The following SDC2 variants were observed in gnomAD, a reference collection of about 807,000 sequenced individuals.
The protein encoded by SDC2 is syndecan 2, also known as syndecan-2.
In SDC2, 13 loss-of-function variants were observed where a neutral mutation model predicts 22.2. The ratio of observed to expected loss-of-function variants is 0.59; its 90% CI spans 0.38 to 0.93. The LOEUF (loss-of-function observed/expected upper bound fraction) is 0.93. Ranked by LOEUF, SDC2 falls within the 40% of genes least tolerant of loss-of-function variation. SDC2 has a pLI of 0.00. For missense variants in SDC2, 235 were observed against 246.8 expected (o/e 0.95, Z 0.32); for synonymous variants, 94 against 92.8 (o/e 1.01, Z -0.07).
rs534076375 is a variant in SDC2 at position 96,600,028 on chromosome 8, A to T, written c.173-2367A>T. On this transcript the variant is annotated intron_variant, in intron 2 of 4. Transcript: ENST00000302190. ...TTTAATATTAGCTGGGCACAGTGGCACATATATTTAGTTCCAGCTACTCAG... is the reference window on the plus strand; with the variant it reads ...TTTAATATTAGCTGGGCACAGTGGCTCATATATTTAGTTCCAGCTACTCAG... 2.6e-3 allele frequency among the ~76,000 whole-genome samples: 389 copies of T among 152,236 alleles called. 3 individuals are homozygous for T. The highest frequency in any genetic ancestry group is 0.01 in the Middle Eastern group (3 of 294).
intron 1 of SDC2, among the ~76,000 whole-genome samples, chr8:96,530,200 G>A (rs566281551): frequency 2.6e-5 from 4 of 152,274 alleles, no homozygotes; most frequent in African/African-American, 9.6e-5. Context: ...AAATCATGGG[G>A]TGGAGTGCAT....
intron 1 of SDC2, among the ~76,000 whole-genome samples, chr8:96,543,806 A>G (rs1046877110): frequency 1.3e-5 from 2 of 152,240 alleles, no homozygotes; most frequent in African/African-American, 2.4e-5. Context: ...AGTGTGTATT[A>G]TAAGTGCGTG....
At chr8:96,608,266 C>A (rs2130665216) in intron 3 of SDC2, 69 bp from the exon 4 acceptor site, 1 of 1,499,188 alleles carries the variant, frequency 6.7e-7, no homozygotes, top group East Asian at 2.3e-5. Context: ...GGAATATACT[C>A]ATCTATTATT....
intron 1 of SDC2, among the ~76,000 whole-genome samples, chr8:96,504,962 A>G (rs1282877150): frequency 1.3e-5 from 2 of 152,032 alleles, no homozygotes; most frequent in Non-Finnish European, 2.9e-5. Context: ...TCTGGCAGAC[A>G]GGTGTGGGGG....
intron 1 of SDC2, among the ~76,000 whole-genome samples, chr8:96,591,049 G>T (rs1490207723): frequency 6.6e-6 from 1 of 152,208 alleles, no homozygotes; most frequent in African/African-American, 2.4e-5. Flanking sequence ...GAACGGTGAG[G>T]TGGCTAGAAT....
chr8:96,558,274 C>T (rs886769180), intron 1 of SDC2, among the ~76,000 whole-genome samples: 14 of 151,418 alleles, frequency 9.2e-5, no homozygotes, highest in African/African-American at 1.7e-4. Flanking sequence ...GGCTCAGGGT[C>T]GGGGGTTCTG....
At chr8:96,499,787 A>G (rs531927814) in intron 1 of SDC2, among the ~76,000 whole-genome samples, 30 of 151,658 alleles carry the variant, frequency 2.0e-4, no homozygotes, top group Non-Finnish European at 4.0e-4. Flanking sequence ...AATGAAATGA[A>G]TGAAATGAGG....
At chr8:96,577,076 T>C (rs892155093) in intron 1 of SDC2, among the ~76,000 whole-genome samples, 2 of 152,216 alleles carry the variant, frequency 1.3e-5, no homozygotes, top group African/African-American at 2.4e-5. Context: ...GACTGAACTT[T>C]CCATATCTGT....
At chr8:96,500,635 C>G (rs578063743) in intron 1 of SDC2, among the ~76,000 whole-genome samples, 44 of 134,498 alleles carry the variant, frequency 3.3e-4, no homozygotes, top group African/African-American at 1.1e-3. Flanking sequence ...GCACTGCAGC[C>G]TGGGCGACAG....
At chr8:96,580,774 T>C (rs1405990656) in intron 1 of SDC2, among the ~76,000 whole-genome samples, 1 of 152,190 alleles carries the variant, frequency 6.6e-6, no homozygotes, top group African/African-American at 2.4e-5. Context: ...AGCGGGGTGC[T>C]CATTGCCATT....
chr8:96,528,108 A>T (rs1026520947), intron 1 of SDC2, among the ~76,000 whole-genome samples: 3 of 152,170 alleles, frequency 2.0e-5, no homozygotes, highest in African/African-American at 7.2e-5. Context: ...AGATTATTTG[A>T]TGAAGGGGGT....
At chr8:96,494,465 A>C in intron 1 of SDC2, 134 bp downstream of exon 1, 1 of 764,412 alleles carries the variant, frequency 1.3e-6, no homozygotes, top group South Asian at 2.0e-5. Flanking sequence ...CGCTGGGACA[A>C]ATGCGCTCGT....
chr8:96,509,923 CT>C (rs1457993525), intron 1 of SDC2, among the ~76,000 whole-genome samples: 2 of 152,138 alleles, frequency 1.3e-5, no homozygotes, highest in African/African-American at 4.8e-5. Context: ...CTGGATCATA[CT>C]TTTTTCTTTT....
At chr8:96,554,716 T>C (rs1563659377) in intron 1 of SDC2, among the ~76,000 whole-genome samples, 1 of 152,206 alleles carries the variant, frequency 6.6e-6, no homozygotes, top group Non-Finnish European at 1.5e-5. Flanking sequence ...TGGGATCCAG[T>C]CTGCTTTCTC....
At position 96,554,223 on chromosome 8, in the gene SDC2, G is replaced by A. The variant is rs541658705; in HGVS notation, c.61-39257G>A. 2.0e-5 allele frequency among the ~76,000 whole-genome samples: 3 copies of A among 152,228 alleles called. No individual in the cohort carries two copies. In the East Asian group the frequency reaches 5.8e-4, roughly 29 times the overall value. ...CATGTTTTATAAGAAATTTTACATG[G>A]TAATTACTTAAAATATAAGATTCTG... is the stretch of plus-strand genomic sequence containing the variant. On this transcript the variant is annotated intron_variant, in intron 1 of 4. Transcript: ENST00000302190.
At chr8:96,548,993 T>C (rs1027054808) in intron 1 of SDC2, among the ~76,000 whole-genome samples, 3 of 152,146 alleles carry the variant, frequency 2.0e-5, no homozygotes, top group African/African-American at 7.2e-5. Flanking sequence ...TGCAGCATAA[T>C]GTTGTGTTGT....
chr8:96,520,580 G>C (rs1217643054), intron 1 of SDC2, among the ~76,000 whole-genome samples: 1 of 152,158 alleles, frequency 6.6e-6, no homozygotes, highest in Non-Finnish European at 1.5e-5. Context: ...TTTGCTTCTG[G>C]AGAGCTAGCT....
chr8:96,599,317 C>T (rs1044274868), intron 2 of SDC2, among the ~76,000 whole-genome samples: 1 of 152,050 alleles, frequency 6.6e-6, no homozygotes, highest in Admixed American at 6.5e-5. Flanking sequence ...CAGATTCATC[C>T]CACTTCTAGG....
chr8:96,578,090 G>C (rs1159038274), intron 1 of SDC2, among the ~76,000 whole-genome samples: 1 of 152,216 alleles, frequency 6.6e-6, no homozygotes. Flanking sequence ...TTTTCTGCCA[G>C]ATATGTAGTG....
Sources: gnomAD v4.1 joint callset for allele counts (sites outside exome capture counted in the v4.1 genomes callset) on GRCh38, gnomAD v4.1.1 for gene constraint, MANE v1.5 for transcripts, NCBI Gene and HGNC (gene_info 2026-07-23, HGNC 2026-07-21) for gene names.